EPDR1: variants seen among roughly 807,000 people sequenced by gnomAD.
EPDR1 encodes ependymin related 1, also known as mammalian ependymin-related protein 1.
In EPDR1, 27 loss-of-function variants were observed where a neutral mutation model predicts 23.7. That is an observed-to-expected ratio of 1.14 (90% CI 0.84 to 1.57). The LOEUF (loss-of-function observed/expected upper bound fraction) is 1.57. Among genes scored for constraint, EPDR1 ranks in the 40% most tolerant of loss-of-function variants. The pLI is 0.00. For synonymous variants in EPDR1, 137 were observed against 118.2 expected (o/e 1.16, Z -1.03); for missense variants, 349 against 290.4 (o/e 1.20, Z -1.47).
At chr7:37,924,204 G>A (rs747145398) in intron 1 of EPDR1, among the ~76,000 whole-genome samples, 5 of 152,254 alleles carry the variant, frequency 3.3e-5, no homozygotes, top group Non-Finnish European at 7.3e-5. Context: ...GCAGTTGTGA[G>A]CAAAGAGTTG....
chr7:37,948,744 T>G, intron 1 of EPDR1, 96 bp from the exon 2 acceptor site: 1 of 918,910 alleles, frequency 1.1e-6, no homozygotes, highest in Middle Eastern at 2.9e-4. Context: ...TTCTTTCTAT[T>G]TTAAAAGTAA....
At chr7:37,922,664 C>CTGG (rs1412660534) in intron 1 of EPDR1, among the ~76,000 whole-genome samples, 2 of 99,716 alleles carry the variant, frequency 2.0e-5, no homozygotes, top group Non-Finnish European at 4.5e-5. Flanking sequence ...CTTGAGGAAG[C>CTGG]TAGGGGGGGG....
chr7:37,944,836 C>G (rs959140212), intron 1 of EPDR1, among the ~76,000 whole-genome samples: 1 of 152,092 alleles, frequency 6.6e-6, no homozygotes, highest in African/African-American at 2.4e-5. Flanking sequence ...GGAGTGATGG[C>G]GATGATTTCA....
chr7:37,937,984 A>AT (rs1347900474), intron 1 of EPDR1, among the ~76,000 whole-genome samples: 14 of 62,242 alleles, frequency 2.2e-4, no homozygotes, highest in Admixed American at 4.2e-4. Context: ...GTGCCCTTTA[A>AT]ATTTTTTTTT....
At chr7:37,921,329 G>C (rs923776676) in intron 1 of EPDR1, 121 bp downstream of exon 1, 3 of 1,429,156 alleles carry the variant, frequency 2.1e-6, no homozygotes, top group Non-Finnish European at 2.7e-6. Context: ...CCTTCTCCCA[G>C]AGAGATCTTT....
intron 1 of EPDR1, among the ~76,000 whole-genome samples, chr7:37,942,015 G>T (rs1475558071): frequency 6.6e-6 from 1 of 152,046 alleles, no homozygotes; most frequent in Non-Finnish European, 1.5e-5. Context: ...ATAAAAATTA[G>T]AAAAATTAGA....
intron 1 of EPDR1, among the ~76,000 whole-genome samples, chr7:37,934,775 C>T (rs1786015761): frequency 6.6e-6 from 1 of 152,056 alleles, no homozygotes; most frequent in Admixed American, 6.5e-5. Context: ...AAAACCCCAT[C>T]TCTACAAAAA....
chr7:37,938,811 A>G (rs1786110653), intron 1 of EPDR1, among the ~76,000 whole-genome samples: 1 of 152,150 alleles, frequency 6.6e-6, no homozygotes, highest in African/African-American at 2.4e-5. Context: ...GGGCCGCCAC[A>G]ATTGTTTCAG....
At position 37,950,235 on chromosome 7, in the gene EPDR1, T is replaced by A. The variant is rs770878040; in HGVS notation, c.514T>A (p.Cys172Ser). Residue 172 changes from cysteine to serine, a missense_variant, in exon 3 of 3, where the codon TGC (cysteine) becomes AGC (serine). Cys to Ser is a moderately radical substitution (Grantham distance 112). Coordinates refer to ENST00000199448, the MANE Select transcript of EPDR1 (RefSeq NM_017549.5). ...GATTGGCATCTATACAGTCAAGGAT[T>A]GCTATCCTGTCCAGGAAACCTTTAC... ...TWIGIYTVKD[C>S]YPVQETFTIN... The A allele has an allele frequency of 8.7e-6, 14 of 1,614,110 alleles. No homozygotes were observed. Among genetic ancestry groups the A allele is most frequent in the Non-Finnish European group, 1.1e-5 (13 of 1,179,988 alleles).
At chr7:37,934,206 G>C (rs1786002693) in intron 1 of EPDR1, among the ~76,000 whole-genome samples, 1 of 152,104 alleles carries the variant, frequency 6.6e-6, no homozygotes, top group Non-Finnish European at 1.5e-5. Context: ...TCGATCTCCT[G>C]ACCTCCTGAT....
At chr7:37,935,024 C>T (rs1786020427) in intron 1 of EPDR1, among the ~76,000 whole-genome samples, 1 of 152,044 alleles carries the variant, frequency 6.6e-6, no homozygotes, top group African/African-American at 2.4e-5. Flanking sequence ...ATAGCATTTA[C>T]ATTGTATAAA....
At chr7:37,940,835 G>A (rs1786157883) in intron 1 of EPDR1, among the ~76,000 whole-genome samples, 1 of 151,756 alleles carries the variant, frequency 6.6e-6, no homozygotes, top group Non-Finnish European at 1.5e-5. Flanking sequence ...CACTTGAAAA[G>A]CATTCAAAGC....
chr7:37,940,961 C>T (rs1016892024), intron 1 of EPDR1, among the ~76,000 whole-genome samples: 6 of 151,932 alleles, frequency 3.9e-5, no homozygotes, highest in Non-Finnish European at 5.9e-5. Context: ...AGATCTGGGA[C>T]AGGGAAAGTC....
chr7:37,933,734 G>A (rs532101733), intron 1 of EPDR1, among the ~76,000 whole-genome samples: 1 of 152,296 alleles, frequency 6.6e-6, no homozygotes, highest in South Asian at 2.1e-4. Flanking sequence ...CTCATTCTGA[G>A]AGGGAAGGCT....
At chr7:37,934,272 G>T (rs536152428) in intron 1 of EPDR1, among the ~76,000 whole-genome samples, 1 of 152,108 alleles carries the variant, frequency 6.6e-6, no homozygotes, top group Non-Finnish European at 1.5e-5. Context: ...CACCACGCCC[G>T]ACCTACTCTG....
In EPDR1 at chr7:37,949,019, A is replaced by T. The variant is rs776292974; in HGVS notation, c.449A>T (p.Glu150Val). Residue 150 changes from glutamate (E) to valine (V), a missense_variant, in exon 2 of 3, where the codon GAG (glutamate) becomes GTG (valine). Glu to Val is a moderately radical substitution (Grantham distance 121). Transcript: ENST00000199448. ...GGPQEQITVQ[E>V]WSDRKSARSY... The stretch of plus-strand genomic sequence containing the variant: ...CCTCAGGAGCAGATCACCGTCCAGG[A>T]GTGGTCGGACAGAAAGTCAGCTAGA... The T allele has an allele frequency of 8.7e-6, 14 of 1,614,028 alleles. No individual in the cohort carries two copies. In the South Asian group the frequency reaches 1.4e-4, roughly 16 times the overall value.
rs752175210 is a variant in EPDR1 at position 37,948,867 on chromosome 7, G to T, written c.297G>T (p.Lys99Asn). ...KRLFEYILLY[K>N]DGVMFQIDQA... ...TATTTGAATATATTTTGCTGTATAA[G>T]GATGGAGTGATGTTTCAGATTGACC... Residue 99 changes from lysine to asparagine, a missense_variant, in exon 2 of 3, where the codon AAG (lysine) becomes AAT (asparagine). Coordinates refer to ENST00000199448, the MANE Select transcript of EPDR1 (RefSeq NM_017549.5). 6.2e-7 allele frequency: 1 copy of T among 1,614,114 alleles called. No individual in the cohort carries two copies. Among genetic ancestry groups the T allele is most frequent in the Admixed American group, 1.7e-5 (1 of 60,024 alleles).
At chr7:37,929,419 T>C (rs1785885726) in intron 1 of EPDR1, among the ~76,000 whole-genome samples, 1 of 152,238 alleles carries the variant, frequency 6.6e-6, no homozygotes, top group Non-Finnish European at 1.5e-5. Context: ...TGAAAAGAGC[T>C]GTGTTCTGAT....
chr7:37,935,336 T>C (rs1477300186), intron 1 of EPDR1, among the ~76,000 whole-genome samples: 1 of 152,230 alleles, frequency 6.6e-6, no homozygotes, highest in Non-Finnish European at 1.5e-5. Flanking sequence ...TAGCCCTTCT[T>C]TGTTACGTAG....
Sources: allele counts gnomAD v4.1 joint callset (sites outside exome capture counted in the v4.1 genomes callset), GRCh38; gene constraint gnomAD v4.1.1; transcripts MANE v1.5; gene names NCBI Gene and HGNC (gene_info 2026-07-23, HGNC 2026-07-21).